MYO1B: variants seen among roughly 807,000 people sequenced by gnomAD.
MYO1B encodes unconventional myosin-Ib.
MYO1B carries 72 observed loss-of-function variants against 159.7 expected under a neutral mutation model. The ratio of observed to expected loss-of-function variants is 0.45; its 90% confidence interval spans 0.37 to 0.55. The LOEUF is 0.55. Among genes scored for constraint, MYO1B ranks in the 20% least tolerant of loss-of-function variants. The probability of loss-of-function intolerance (pLI) is 0.00; values close to 1 mark genes in which losing one functional copy is unlikely to be tolerated. For synonymous variants in MYO1B, 468 were observed against 473.8 expected (o/e 0.99, Z 0.16); for missense variants, 1,062 against 1,364.8 (o/e 0.78, Z 3.50).
Position 191,322,806 on chromosome 2 carries a change from G to A in MYO1B, c.252-7129G>A, listed in dbSNP as rs564162790. On this transcript the variant is annotated intron_variant, in intron 3 of 30. Coordinates refer to ENST00000392318, the MANE Select transcript of MYO1B (RefSeq NM_001130158.3). ...AGGGGTCCCAATCCAGACCCCAAGA[G>A]AGAGGGTTCTTGGATCTTGTGCAAG... Among the ~76,000 whole-genome samples the A allele has an allele frequency of 3.9e-5, 6 of 152,308 alleles. No individual in the cohort carries two copies. The South Asian group carries it at 1.0e-3, about 26-fold the overall frequency.
At chr2:191,414,777 G>T in intron 29 of MYO1B, 108 bp downstream of exon 29, 1 of 1,234,626 alleles carries the variant, frequency 8.1e-7, no homozygotes, top group Non-Finnish European at 1.1e-6. Context: ...TTGCTAATTT[G>T]CAAATTTTGG....
intron 3 of MYO1B, among the ~76,000 whole-genome samples, chr2:191,307,424 G>A (rs947162168): frequency 2.0e-5 from 3 of 152,100 alleles, no homozygotes; most frequent in African/African-American, 4.8e-5. Flanking sequence ...CTTCTTTACC[G>A]CAACCTGTTT....
At chr2:191,354,608 G>A (rs1221910857) in intron 7 of MYO1B, among the ~76,000 whole-genome samples, 1 of 152,012 alleles carries the variant, frequency 6.6e-6, no homozygotes, top group Admixed American at 6.6e-5. Flanking sequence ...TTGCTGCACT[G>A]CCTGACAACC....
At chr2:191,247,734 A>G (rs1685873827) in intron 1 of MYO1B, among the ~76,000 whole-genome samples, 1 of 152,264 alleles carries the variant, frequency 6.6e-6, no homozygotes, top group Admixed American at 6.5e-5. Context: ...TCATTGTTCT[A>G]TACATTAACA....
At chr2:191,305,426 G>A (rs901964749) in intron 3 of MYO1B, among the ~76,000 whole-genome samples, 1 of 152,194 alleles carries the variant, frequency 6.6e-6, no homozygotes, top group Non-Finnish European at 1.5e-5. Flanking sequence ...GCCACCACAG[G>A]GGTAGAAACT....
intron 2 of MYO1B, among the ~76,000 whole-genome samples, chr2:191,284,162 G>A (rs1045569819): frequency 3.9e-5 from 6 of 152,202 alleles, no homozygotes; most frequent in African/African-American, 1.2e-4. Flanking sequence ...TTATGAGCAC[G>A]AGAGAGGAGG....
At chr2:191,265,520 C>A (rs1295924116) in intron 1 of MYO1B, among the ~76,000 whole-genome samples, 1 of 152,114 alleles carries the variant, frequency 6.6e-6, no homozygotes, top group East Asian at 1.9e-4. Flanking sequence ...AGTTGGTTTT[C>A]CTCTGGTGGC....
intron 1 of MYO1B, among the ~76,000 whole-genome samples, chr2:191,268,598 G>A (rs965593633): frequency 2.6e-5 from 4 of 152,202 alleles, no homozygotes; most frequent in Admixed American, 6.5e-5. Context: ...CCTCTCGAGG[G>A]CCTACAGCTA....
rs553729732 is a variant in MYO1B at position 191,331,507 on chromosome 2, C to T, written c.346+1478C>T. Among the ~76,000 whole-genome samples the T allele has an allele frequency of 6.6e-5, 10 of 152,304 alleles. No homozygotes were observed. In the South Asian group the frequency reaches 1.9e-3, roughly 28 times the overall value. On this transcript the variant is annotated intron_variant, in intron 4 of 30. Coordinates refer to ENST00000392318, the MANE Select transcript of MYO1B (RefSeq NM_001130158.3). Reference sequence around the variant, plus strand: ...TTACCATATTTGTCTTCCTTCTCCTCTACAGGACAATCACTTAGTTATTTG... The same window carrying T: ...TTACCATATTTGTCTTCCTTCTCCTTTACAGGACAATCACTTAGTTATTTG...
rs747455787 is a variant in MYO1B, at chr2:191,360,756, GTTGTTGT to G, written c.661+29_661+35del. 7 of 1,127,794 alleles carry G rather than the reference GTTGTTGT, an allele frequency of 6.2e-6. No individual in the cohort carries two copies. The African/African-American group carries it at 9.3e-5, about 15-fold the overall frequency. The allele number at this position is 1,127,794 out of a possible 1,614,324, so 69.9% of individuals were successfully genotyped here. A position where few individuals can be genotyped will look rare whatever the true frequency, so the allele number is the denominator to read the frequency against. ...TAAGTCTCTGTTTCTATGTGGTGTT[GTTGTTGT>G]TGTTGTTGTTGTTGTTGTTGTTGTT... On this transcript the variant is annotated intron_variant, in intron 8 of 30. Coordinates refer to ENST00000392318, the MANE Select transcript of MYO1B (RefSeq NM_001130158.3).
At chr2:191,315,546 TC>T (rs1381200884) in intron 3 of MYO1B, among the ~76,000 whole-genome samples, 1 of 152,212 alleles carries the variant, frequency 6.6e-6, no homozygotes, top group African/African-American at 2.4e-5. Context: ...ACTTTTCATT[TC>T]CTGGTAGTCA....
At chr2:191,299,737 G>A (rs1689196858) in intron 3 of MYO1B, among the ~76,000 whole-genome samples, 2 of 152,148 alleles carry the variant, frequency 1.3e-5, no homozygotes. Context: ...ATATAATCTT[G>A]AGCAAATTAC....
chr2:191,265,341 T>A (rs73058633), intron 1 of MYO1B, among the ~76,000 whole-genome samples: 2,197 of 152,220 alleles, frequency 0.014, 52 homozygotes, highest in African/African-American at 0.05. Context: ...TGCAAATCAC[T>A]GTATTTTTAA....
intron 3 of MYO1B, among the ~76,000 whole-genome samples, chr2:191,314,893 T>A (rs983993317): frequency 7.2e-5 from 11 of 152,166 alleles, no homozygotes; most frequent in Non-Finnish European, 1.6e-4. Flanking sequence ...ATAATATGAG[T>A]CAGGGCAATA....
chr2:191,339,514 C>T (rs779397678), intron 4 of MYO1B, among the ~76,000 whole-genome samples: 14 of 152,184 alleles, frequency 9.2e-5, no homozygotes, highest in Admixed American at 1.3e-4. Context: ...TGTAAAAGAA[C>T]GGTATTGCAA....
intron 30 of MYO1B, 122 bp downstream of exon 30, chr2:191,416,364 T>C (rs1697565230): frequency 3.4e-6 from 4 of 1,191,772 alleles, no homozygotes; most frequent in Non-Finnish European, 4.8e-6. Flanking sequence ...CTAGTAGTTG[T>C]TCCACATGAT....
chr2:191,324,064 T>TA (rs1384929985), intron 3 of MYO1B, among the ~76,000 whole-genome samples: 1 of 151,906 alleles, frequency 6.6e-6, no homozygotes, highest in East Asian at 1.9e-4. Flanking sequence ...TGCAGTGCCT[T>TA]AAAAAAAATA....
At chr2:191,341,360 T>G in intron 4 of MYO1B, 101 bp from the exon 5 acceptor site, 1 of 855,928 alleles carries the variant, frequency 1.2e-6, no homozygotes, top group Admixed American at 2.4e-5. Flanking sequence ...TAAAGACATT[T>G]GAAAATGCCG....
At chr2:191,352,099 T>C (rs1318637750) in intron 7 of MYO1B, among the ~76,000 whole-genome samples, 2 of 152,218 alleles carry the variant, frequency 1.3e-5, no homozygotes, top group African/African-American at 4.8e-5. Context: ...AAAGTACTCA[T>C]GCAAACCACA....
Sources: gnomAD v4.1 joint callset for allele counts (sites outside exome capture counted in the v4.1 genomes callset) on GRCh38, gnomAD v4.1.1 for gene constraint, MANE v1.5 for transcripts, NCBI Gene and HGNC (gene_info 2026-07-23, HGNC 2026-07-21) for gene names.